Variants in ZNF804B observed in about 807,000 individuals in gnomAD.
ZNF804B encodes the protein zinc finger protein 804B.
Under a neutral mutation model 101.4 loss-of-function variants are expected in ZNF804B, and 80 were observed. That is an observed-to-expected ratio of 0.79 (90% CI 0.66 to 0.95). The LOEUF is 0.95. ZNF804B is among the 40% of genes least tolerant of loss of function. The pLI, the probability that ZNF804B is intolerant of heterozygous loss-of-function variation, is 0.00. For missense variants in ZNF804B, 1,673 were observed against 1,561.9 expected, an observed-to-expected ratio of 1.07 and a Z score of -1.20; for synonymous variants, 622 against 558.8, an observed-to-expected ratio of 1.11 and a Z score of -1.59.
chr7:89,285,548 AG>A lies in ZNF804B; in HGVS notation c.250-41795del, dbSNP rs869127503. 5.3e-3 allele frequency among the ~76,000 whole-genome samples: 470 copies of A among 88,242 alleles called. 16 individuals are homozygous for A. Among genetic ancestry groups the A allele is most frequent in the African/African-American group, 0.022 (412 of 18,860 alleles). 57.9% of individuals were successfully genotyped at this position (88,242 alleles called of 152,430 possible). ...AAAAAAAAAAAAAAAAAAAAAAAAA[AG>A]AAGAAGAAGAAGAAGAAGAAGAAGA... On this transcript the variant is annotated intron_variant, in intron 2 of 3. Coordinates refer to ENST00000333190, the MANE Select transcript of ZNF804B (RefSeq NM_181646.5).
At chr7:89,038,197 G>A (rs1379375463) in intron 1 of ZNF804B, among the ~76,000 whole-genome samples, 1 of 152,118 alleles carries the variant, frequency 6.6e-6, no homozygotes, top group African/African-American at 2.4e-5. Context: ...TGTATCCTCA[G>A]AAGTGGGATT....
At chr7:88,889,695 G>A (rs1792188199) in intron 1 of ZNF804B, among the ~76,000 whole-genome samples, 1 of 114,566 alleles carries the variant, frequency 8.7e-6, no homozygotes, top group African/African-American at 4.0e-5. Flanking sequence ...CACTTGCATA[G>A]TTGGGGAATA....
chr7:89,032,015 C>T (rs1363750923), intron 1 of ZNF804B, among the ~76,000 whole-genome samples: 1 of 151,882 alleles, frequency 6.6e-6, no homozygotes, highest in East Asian at 1.9e-4. Flanking sequence ...GAGGCAAATA[C>T]TGTGTGATCT....
At chr7:88,921,464 T>G (rs1246270576) in intron 1 of ZNF804B, among the ~76,000 whole-genome samples, 1 of 152,152 alleles carries the variant, frequency 6.6e-6, no homozygotes, top group East Asian at 1.9e-4. Flanking sequence ...TTTTAAATTA[T>G]AAAACATTTC....
chr7:88,796,031 C>T (rs990635922), intron 1 of ZNF804B, among the ~76,000 whole-genome samples: 2 of 152,034 alleles, frequency 1.3e-5, no homozygotes, highest in African/African-American at 4.8e-5. Context: ...CTAAAGACTT[C>T]AGGAACACAT....
chr7:89,068,685 C>T (rs973994600), intron 1 of ZNF804B, among the ~76,000 whole-genome samples: 1 of 152,180 alleles, frequency 6.6e-6, no homozygotes, highest in Non-Finnish European at 1.5e-5. Context: ...AATGTTTTAA[C>T]ATTTTTAATT....
chr7:89,282,555 C>A (rs1309128511), intron 2 of ZNF804B, among the ~76,000 whole-genome samples: 4 of 152,164 alleles, frequency 2.6e-5, no homozygotes, highest in Non-Finnish European at 4.4e-5. Context: ...TACCCCCTCT[C>A]CTCTTAAACA....
intron 1 of ZNF804B, among the ~76,000 whole-genome samples, chr7:88,984,616 G>T (rs1046373455): frequency 6.6e-6 from 1 of 152,000 alleles, no homozygotes; most frequent in African/African-American, 2.4e-5. Context: ...AAGTAATAGT[G>T]CAGTGCAATA....
At chr7:88,927,705 C>T (rs1018346887) in intron 1 of ZNF804B, among the ~76,000 whole-genome samples, 2 of 151,954 alleles carry the variant, frequency 1.3e-5, no homozygotes, top group African/African-American at 4.8e-5. Flanking sequence ...GTTTCTAGCC[C>T]CTTCCCCAAG....
At chr7:89,296,648 T>G (rs2115910107) in intron 2 of ZNF804B, among the ~76,000 whole-genome samples, 1 of 152,230 alleles carries the variant, frequency 6.6e-6, no homozygotes, top group Middle Eastern at 3.4e-3. Flanking sequence ...TGAATTGTTG[T>G]GTGTAGTAGA....
chr7:89,282,947 G>T (rs754653402), intron 2 of ZNF804B, among the ~76,000 whole-genome samples: 4 of 152,090 alleles, frequency 2.6e-5, no homozygotes, highest in African/African-American at 9.7e-5. Context: ...AACTTTGAAA[G>T]AATAAATTTC....
chr7:88,853,362 T>C (rs926937903), intron 1 of ZNF804B, among the ~76,000 whole-genome samples: 18 of 152,082 alleles, frequency 1.2e-4, no homozygotes, highest in African/African-American at 4.3e-4. Flanking sequence ...AAGGATTTAT[T>C]TAGTTTTGTG....
intron 1 of ZNF804B, among the ~76,000 whole-genome samples, chr7:89,014,268 C>T (rs1293312474): frequency 6.6e-6 from 1 of 152,032 alleles, no homozygotes; most frequent in Non-Finnish European, 1.5e-5. Context: ...TGATATCTCA[C>T]TGTGATTTTG....
At chr7:89,313,365 A>G (rs1790672261) in intron 2 of ZNF804B, among the ~76,000 whole-genome samples, 1 of 152,232 alleles carries the variant, frequency 6.6e-6, no homozygotes, top group African/African-American at 2.4e-5. Flanking sequence ...CAGAGATGGA[A>G]GGAGTTATTC....
intron 2 of ZNF804B, among the ~76,000 whole-genome samples, chr7:89,245,872 G>T (rs573252765): frequency 2.6e-4 from 39 of 152,270 alleles, no homozygotes; most frequent in Admixed American, 1.0e-3. Flanking sequence ...CTCCTTCTGT[G>T]ACTCAACTTT....
intron 1 of ZNF804B, among the ~76,000 whole-genome samples, chr7:88,885,464 C>G (rs1466501135): frequency 6.6e-6 from 1 of 151,464 alleles, no homozygotes; most frequent in Non-Finnish European, 1.5e-5. Flanking sequence ...AGAAGAGGAC[C>G]ATATCAGATA....
chr7:88,892,665 A>G (rs760846168), intron 1 of ZNF804B, among the ~76,000 whole-genome samples: 1 of 152,142 alleles, frequency 6.6e-6, no homozygotes, highest in Admixed American at 6.6e-5. Flanking sequence ...AGTCCTAGCC[A>G]TTACTTTCTT....
At chr7:88,832,656 A>G (rs762784106) in intron 1 of ZNF804B, among the ~76,000 whole-genome samples, 4 of 151,544 alleles carry the variant, frequency 2.6e-5, no homozygotes, top group Non-Finnish European at 5.9e-5. Context: ...TGATTTTTTT[A>G]TGGCATTTCC....
chr7:89,049,503 G>T (rs80218723), intron 1 of ZNF804B, among the ~76,000 whole-genome samples: 2,967 of 152,158 alleles, frequency 0.019, 42 homozygotes, highest in African/African-American at 0.031. Context: ...ACTGGAAAAT[G>T]CCTCTGCCCT....
Sources: gnomAD v4.1 joint callset for allele counts (sites outside exome capture counted in the v4.1 genomes callset) on GRCh38, gnomAD v4.1.1 for gene constraint, MANE v1.5 for transcripts, NCBI Gene and HGNC (gene_info 2026-07-23, HGNC 2026-07-21) for gene names.